ZNF226: variants seen among roughly 807,000 people sequenced by gnomAD.
The protein encoded by ZNF226 is Kruppel-associated box protein.
Under a neutral mutation model 11.4 loss-of-function variants are expected in ZNF226, and 6 were observed. That is an observed-to-expected ratio of 0.53 (90% CI 0.29 to 1.04). The LOEUF (loss-of-function observed/expected upper bound fraction) is 1.04, where lower values mean the gene tolerates loss of function less well. ZNF226 is among the 50% of genes least tolerant of loss of function. ZNF226 has a pLI of 0.08. For synonymous variants in ZNF226, 350 were observed against 322.8 expected (o/e 1.08, Z -0.90); for missense variants, 1,058 against 956.5 (o/e 1.11, Z -1.40).
At chr19:44,167,082 A>C (rs1368752480) in intron 2 of ZNF226, among the ~76,000 whole-genome samples, 1 of 152,174 alleles carries the variant, frequency 6.6e-6, no homozygotes, top group East Asian at 1.9e-4. Flanking sequence ...CATGAGTAGA[A>C]GGCAGCTGTC....
intron 5 of ZNF226, 49 bp from the exon 6 acceptor site, chr19:44,175,448 AT>A: frequency 6.6e-7 from 1 of 1,525,608 alleles, no homozygotes; most frequent in East Asian, 2.3e-5. Context: ...GAAATCTTAA[AT>A]CTTTGAACAA....
intron 2 of ZNF226, 131 bp from the exon 3 acceptor site, chr19:44,169,904 A>C (rs1351110598): frequency 1.4e-5 from 7 of 515,760 alleles, no homozygotes; most frequent in Non-Finnish European, 2.4e-5. Flanking sequence ...TCCATGTCAT[A>C]ATCTGCTTAA....
chr19:44,176,500 A>C lies in ZNF226; in HGVS notation c.1238A>C (p.His413Pro), dbSNP rs1568572718. Residue 413 changes from histidine (H) to proline (P), a missense_variant, in exon 6 of 6, where the codon CAT becomes CCT. Coordinates refer to ENST00000337433, the MANE Select transcript of ZNF226 (RefSeq NM_001032373.2). ...CATCTTCAATCCCATCAAAGAGTTC[A>C]TACAGGAGAGAAACCATACAAATGT... is the stretch of plus-strand genomic sequence containing the variant. ...NSHLQSHQRV[H>P]TGEKPYKCEE... The C allele has an allele frequency of 6.2e-7, 1 of 1,614,156 alleles. No homozygotes were observed. Among genetic ancestry groups the C allele is most frequent in the Non-Finnish European group, 8.5e-7 (1 of 1,180,010 alleles).
chr19:44,194,507 G>A, the ZNF226 span, among the ~76,000 whole-genome samples: 1 of 152,092 alleles, frequency 6.6e-6, no homozygotes, highest in Non-Finnish European at 1.5e-5. Flanking sequence ...TGGAAGTCCT[G>A]GTTTCATGTA....
intron 4 of ZNF226, chr19:44,172,546 C>A: frequency 2.3e-6 from 1 of 432,696 alleles, no homozygotes; most frequent in Non-Finnish European, 4.1e-6. Context: ...TACTAGAACT[C>A]CTTAGGAAGA....
chr19:44,185,534 A>T, the ZNF226 span, among the ~76,000 whole-genome samples: 16 of 152,232 alleles, frequency 1.1e-4, no homozygotes, highest in African/African-American at 3.9e-4. Context: ...ACTTATTGAC[A>T]ATTTATGTAT....
the ZNF226 span, among the ~76,000 whole-genome samples, chr19:44,188,743 T>G: frequency 1.1e-3 from 160 of 152,352 alleles, 1 homozygote; most frequent in African/African-American, 3.5e-3. Context: ...AGTTTTTGTC[T>G]TAAGTCTATT....
Position 44,176,419 on chromosome 19 carries a change from C to T in ZNF226, c.1157C>T (p.Thr386Ile), listed in dbSNP as rs750583437. Residue 386 changes from threonine to isoleucine, a missense_variant, in exon 6 of 6, where the codon ACT becomes ATT. Thr to Ile is a moderately conservative substitution (Grantham distance 89). Coordinates refer to ENST00000337433, the MANE Select transcript of ZNF226 (RefSeq NM_001032373.2). ...SHLQDHQRLHTGEKPFKCDAC... is the reference protein window; with the variant it reads ...SHLQDHQRLHIGEKPFKCDAC... ...CTTCAGGACCATCAGAGACTCCACACTGGGGAGAAGCCATTCAAATGTGAT... is the reference window on the plus strand; with the variant it reads ...CTTCAGGACCATCAGAGACTCCACATTGGGGAGAAGCCATTCAAATGTGAT... 3 of 1,614,072 alleles carry T rather than the reference C, an allele frequency of 1.9e-6. No individual in the cohort carries two copies. Among genetic ancestry groups the T allele is most frequent in the African/African-American group, 1.3e-5 (1 of 75,014 alleles).
chr19:44,188,444 T>G, the ZNF226 span, among the ~76,000 whole-genome samples: 156 of 152,330 alleles, frequency 1.0e-3, 2 homozygotes, highest in Middle Eastern at 3.4e-3. Flanking sequence ...TTTTGGGTGA[T>G]TATTCCCTAA....
At chr19:44,184,365 A>G in the ZNF226 span, among the ~76,000 whole-genome samples, 1 of 152,124 alleles carries the variant, frequency 6.6e-6, no homozygotes, top group South Asian at 2.1e-4. Context: ...GTGGATCACG[A>G]GGTCAGGGGT....
chr19:44,171,207 G>GT (rs1970049155), intron 3 of ZNF226, among the ~76,000 whole-genome samples: 1 of 152,016 alleles, frequency 6.6e-6, no homozygotes, highest in African/African-American at 2.4e-5. Flanking sequence ...TTTAAAATCC[G>GT]TAACATTAGG....
chr19:44,177,026 A>T lies in ZNF226; in HGVS notation c.1764A>T (p.Lys588Asn). 1 of 1,614,062 alleles carries T rather than the reference A, an allele frequency of 6.2e-7. No individual in the cohort carries two copies. Among genetic ancestry groups the T allele is most frequent in the South Asian group, 1.1e-5 (1 of 91,078 alleles). ...QLIHTGEKPY[K>N]CEECGKGFSR... ...TCCATACGGGTGAGAAACCATACAAATGTGAAGAGTGTGGCAAGGGATTTA... is the reference window on the plus strand; with the variant it reads ...TCCATACGGGTGAGAAACCATACAATTGTGAAGAGTGTGGCAAGGGATTTA... Residue 588 changes from lysine (K) to asparagine (N), a missense_variant, in exon 6 of 6, where the codon AAA becomes AAT. By Grantham distance (94) the Lys-to-Asn change is moderately conservative. Coordinates refer to ENST00000337433, the MANE Select transcript of ZNF226 (RefSeq NM_001032373.2).
chr19:44,192,613 A>G, the ZNF226 span, among the ~76,000 whole-genome samples: 1 of 152,206 alleles, frequency 6.6e-6, no homozygotes, highest in Non-Finnish European at 1.5e-5. Flanking sequence ...AGCAAAGTGG[A>G]ACTGAGATAT....
intron 3 of ZNF226, among the ~76,000 whole-genome samples, chr19:44,171,848 AAC>A (rs1300603567): frequency 5.3e-5 from 8 of 152,224 alleles, no homozygotes; most frequent in Non-Finnish European, 1.2e-4. Flanking sequence ...TTCAGCAGGT[AAC>A]AGTTCCAGGA....
chr19:44,190,054 ACTC>A, the ZNF226 span, among the ~76,000 whole-genome samples: 1 of 152,130 alleles, frequency 6.6e-6, no homozygotes. Flanking sequence ...GATAATAAAA[ACTC>A]AAAGACAATG....
At chr19:44,174,017 T>TTAA (rs773855069) in intron 5 of ZNF226, 10 of 152,198 alleles carry the variant, frequency 6.6e-5, no homozygotes, top group Non-Finnish European at 1.5e-4. Flanking sequence ...AATAAATGAG[T>TTAA]TAATGGAAAT....
the ZNF226 span, among the ~76,000 whole-genome samples, chr19:44,196,037 G>GT: frequency 0.14 from 21,451 of 148,514 alleles, 3,767 homozygotes; most frequent in African/African-American, 0.41. Flanking sequence ...GTACTTCATA[G>GT]TTTTTTTTTT....
At chr19:44,182,271 C>G (rs911494021), downstream of ZNF226, among the ~76,000 whole-genome samples, 3 of 152,220 alleles carry the variant, frequency 2.0e-5, no homozygotes, top group East Asian at 1.9e-4. Context: ...AGGGGATGCT[C>G]TATGCATTGT....
In ZNF226 at chr19:44,175,943, T is replaced by G; in HGVS notation, c.681T>G (p.Asn227Lys). The G allele has an allele frequency of 6.2e-7, 1 of 1,613,768 alleles. No individual in the cohort carries two copies. The highest frequency in any genetic ancestry group is 1.1e-5 in the South Asian group (1 of 91,042). The stretch of plus-strand genomic sequence containing the variant: ...AAAGTGAAAAATCTTATAGACCCAA[T>G]GATTATGAAAAAGACAACATGAAGA... ...VHKSEKSYRP[N>K]DYEKDNMKIL... The change falls in exon 6 of 6, where the codon AAT becomes AAG. Residue 227 changes from asparagine to lysine, a missense_variant. Physicochemically the swap from Asn to Lys is moderately conservative, Grantham distance 94. Transcript: ENST00000337433.
Sources: allele counts gnomAD v4.1 joint callset (sites outside exome capture counted in the v4.1 genomes callset), GRCh38; gene constraint gnomAD v4.1.1; transcripts MANE v1.5; gene names NCBI Gene and HGNC (gene_info 2026-07-23, HGNC 2026-07-21).